Variants in DYNC1I1 observed in about 807,000 individuals in gnomAD.
DYNC1I1 encodes dynein cytoplasmic 1 intermediate chain 1.
Under a neutral mutation model 86.6 loss-of-function variants are expected in DYNC1I1, and 43 were observed. That is an observed-to-expected ratio of 0.50 (90% CI 0.39 to 0.64). DYNC1I1 has a LOEUF of 0.64. Among genes scored for constraint, DYNC1I1 ranks in the 30% least tolerant of loss-of-function variants. The pLI is 0.00. For synonymous variants in DYNC1I1, 262 were observed against 283.7 expected, an observed-to-expected ratio of 0.92 and a Z score of 0.77; for missense variants, 604 against 788.8, an observed-to-expected ratio of 0.77 and a Z score of 2.81.
At chr7:95,936,956 T>TCTCTCACACACA (rs750834189) in intron 6 of DYNC1I1, among the ~76,000 whole-genome samples, 53 of 134,188 alleles carry the variant, frequency 3.9e-4, no homozygotes, top group Non-Finnish European at 5.3e-4. Context: ...AGAATATGTC[T>TCTCTCACACACA]CACACACACA....
intron 6 of DYNC1I1, among the ~76,000 whole-genome samples, chr7:95,971,546 C>G (rs1793171222): frequency 6.6e-6 from 1 of 152,212 alleles, no homozygotes; most frequent in East Asian, 1.9e-4. Context: ...CTCTCCAAGT[C>G]TATTCTCCAA....
chr7:95,877,114 G>T (rs1180835650), intron 6 of DYNC1I1, among the ~76,000 whole-genome samples: 1 of 152,118 alleles, frequency 6.6e-6, no homozygotes, highest in Non-Finnish European at 1.5e-5. Flanking sequence ...TACCTCTCCT[G>T]CCAGCTCCCA....
intron 6 of DYNC1I1, among the ~76,000 whole-genome samples, chr7:95,952,060 T>C (rs1188025629): frequency 1.3e-5 from 2 of 152,228 alleles, no homozygotes; most frequent in Non-Finnish European, 2.9e-5. Context: ...AAGTGCTTGC[T>C]CTGGGCTCTA....
Position 95,772,563 on chromosome 7 carries a change from G to A in DYNC1I1, c.-220G>A, listed in dbSNP as rs968697578. 6.6e-6 allele frequency: 1 copy of A among 152,236 alleles called. No individual in the cohort carries two copies. The highest frequency in any genetic ancestry group is 2.4e-5 in the African/African-American group (1 of 41,450). The allele number at this position is 152,236 out of a possible 1,614,324, so 9.4% of individuals were successfully genotyped here. A position where few individuals can be genotyped will look rare whatever the true frequency, so the allele number is the denominator to read the frequency against. On this transcript the variant is annotated 5_prime_UTR_variant, in exon 1 of 17. Coordinates refer to ENST00000447467, the MANE Select transcript of DYNC1I1 (RefSeq NM_001135556.2). ...GCGGGGCGAGCCCCGCAGACTGAGT[G>A]CTCCGGGGAGCTGTCAGTGTCAGGC...
chr7:95,956,023 T>C (rs564821221), intron 6 of DYNC1I1, among the ~76,000 whole-genome samples: 2 of 152,352 alleles, frequency 1.3e-5, no homozygotes, highest in Admixed American at 1.3e-4. Flanking sequence ...TAGCTACTAC[T>C]TGCAGAGTAC....
At chr7:95,956,838 AAC>A (rs1792729808) in intron 6 of DYNC1I1, among the ~76,000 whole-genome samples, 1 of 152,190 alleles carries the variant, frequency 6.6e-6, no homozygotes, top group African/African-American at 2.4e-5. Context: ...TGCTGCAATA[AAC>A]ACACGTGTGC....
At chr7:96,057,115 A>G (rs1388624929) in intron 14 of DYNC1I1, among the ~76,000 whole-genome samples, 1 of 152,224 alleles carries the variant, frequency 6.6e-6, no homozygotes, top group East Asian at 1.9e-4. Context: ...TCCTGGGTGT[A>G]GGAACTCCAG....
chr7:95,810,278 A>G, intron 2 of DYNC1I1, 114 bp from the exon 3 acceptor site: 1 of 711,274 alleles, frequency 1.4e-6, no homozygotes, highest in Non-Finnish European at 2.2e-6. Flanking sequence ...GATTATATCT[A>G]TTTAGGGCTT....
intron 10 of DYNC1I1, among the ~76,000 whole-genome samples, chr7:96,000,611 G>A (rs998743390): frequency 3.9e-5 from 6 of 152,244 alleles, no homozygotes; most frequent in Admixed American, 3.3e-4. Flanking sequence ...GAGAATGACC[G>A]ATCCGATGAG....
At chr7:95,832,906 C>T (rs1051506833) in intron 5 of DYNC1I1, among the ~76,000 whole-genome samples, 1 of 152,062 alleles carries the variant, frequency 6.6e-6, no homozygotes, top group Non-Finnish European at 1.5e-5. Flanking sequence ...AAATTTTCTC[C>T]CATTTTGTAG....
intron 10 of DYNC1I1, among the ~76,000 whole-genome samples, chr7:96,006,245 A>G (rs1187270977): frequency 6.6e-6 from 1 of 152,186 alleles, no homozygotes; most frequent in African/African-American, 2.4e-5. Context: ...ATGGGAATGG[A>G]TGATGACTTG....
chr7:96,102,680 C>T (rs1584322645), downstream of DYNC1I1, among the ~76,000 whole-genome samples: 1 of 152,150 alleles, frequency 6.6e-6, no homozygotes, highest in Non-Finnish European at 1.5e-5. Flanking sequence ...GTGCTAAGAG[C>T]TCTGCTGTAT....
chr7:95,791,097 G>A (rs1332831864), intron 1 of DYNC1I1, among the ~76,000 whole-genome samples: 3 of 151,886 alleles, frequency 2.0e-5, no homozygotes, highest in African/African-American at 7.3e-5. Flanking sequence ...ATCTATTTTA[G>A]GAAAATCTAA....
intron 10 of DYNC1I1, among the ~76,000 whole-genome samples, chr7:96,007,780 A>G (rs903854641): frequency 1.3e-5 from 2 of 152,216 alleles, no homozygotes; most frequent in African/African-American, 4.8e-5. Flanking sequence ...AGTAAGAAAG[A>G]TGACACCTTG....
chr7:96,095,396 AAC>A (rs1790971667), intron 16 of DYNC1I1, among the ~76,000 whole-genome samples: 1 of 152,148 alleles, frequency 6.6e-6, no homozygotes, highest in Non-Finnish European at 1.5e-5. Context: ...GGCTATCAAT[AAC>A]ATATTGCATA....
At chr7:95,825,841 A>G (rs1795192090) in intron 4 of DYNC1I1, among the ~76,000 whole-genome samples, 1 of 152,196 alleles carries the variant, frequency 6.6e-6, no homozygotes, top group South Asian at 2.1e-4. Context: ...TCATTCTCCA[A>G]AGGTGGTCCC....
rs1395208189 is a variant in DYNC1I1, at chr7:95,946,804, CAG to C, written c.491-30707_491-30706del. Among the ~76,000 whole-genome samples, 18 of 152,180 alleles carry C rather than the reference CAG, an allele frequency of 1.2e-4. 2 individuals are homozygous for C. The highest frequency in any genetic ancestry group is 3.4e-4 in the African/African-American group (14 of 41,510). ...TAGAGCTTATATCTTGGTTGAATGACAGGGGAAGAAATGCAATAAATTGAAGA... is the reference window on the plus strand; with the variant it reads ...TAGAGCTTATATCTTGGTTGAATGACGGGAAGAAATGCAATAAATTGAAGA... On this transcript the variant is annotated intron_variant, in intron 6 of 16. Transcript: ENST00000447467.
chr7:96,105,508 T>G (rs1286708370), intron 16 of DYNC1I1, among the ~76,000 whole-genome samples: 1 of 152,164 alleles, frequency 6.6e-6, no homozygotes, highest in African/African-American at 2.4e-5. Flanking sequence ...ATAAAATCAT[T>G]TGGTCAACAT....
chr7:96,070,759 A>G lies in DYNC1I1; in HGVS notation c.1510-5298A>G, dbSNP rs1790136832. Among the ~76,000 whole-genome samples, 4 of 152,252 alleles carry G rather than the reference A, an allele frequency of 2.6e-5. No homozygotes were observed. The South Asian group carries it at 8.3e-4, about 32-fold the overall frequency. On this transcript the variant is annotated intron_variant, in intron 14 of 16. Coordinates refer to ENST00000447467, the MANE Select transcript of DYNC1I1 (RefSeq NM_001135556.2). ...AATACAAATCTTCCTATTCACCAAA[A>G]CACTAAATCCTATTGGGATGCCTAG...
Sources: gnomAD v4.1 joint callset for allele counts (sites outside exome capture counted in the v4.1 genomes callset) on GRCh38, gnomAD v4.1.1 for gene constraint, MANE v1.5 for transcripts, NCBI Gene and HGNC (gene_info 2026-07-23, HGNC 2026-07-21) for gene names.